The following PIBF1 variants were observed in gnomAD, a reference collection of about 807,000 sequenced individuals.
The protein encoded by PIBF1 is progesterone immunomodulatory binding factor 1.
PIBF1 carries 90 observed loss-of-function variants against 112.5 expected under a neutral mutation model. That is an observed-to-expected ratio of 0.80 (90% CI 0.67 to 0.95). PIBF1 has a LOEUF of 0.95. PIBF1 is among the 40% of genes least tolerant of loss of function. The pLI is 0.00. For synonymous variants in PIBF1, 301 were observed against 288.6 expected, an observed-to-expected ratio of 1.04 and a Z score of -0.44; for missense variants, 915 against 852.3, an observed-to-expected ratio of 1.07 and a Z score of -0.92.
At chr13:72,919,872 G>A (rs1290274439) in intron 13 of PIBF1, among the ~76,000 whole-genome samples, 1 of 152,150 alleles carries the variant, frequency 6.6e-6, no homozygotes, top group Non-Finnish European at 1.5e-5. Flanking sequence ...TGCTCAGGAG[G>A]CTGAGGTGGG....
intron 13 of PIBF1, among the ~76,000 whole-genome samples, chr13:72,927,996 C>CATATATACAT (rs2041564647): frequency 1.3e-5 from 1 of 76,120 alleles, no homozygotes; most frequent in Non-Finnish European, 2.7e-5. Context: ...TATACACACA[C>CATATATACAT]ATATATATAC....
At chr13:72,796,263 A>G (rs991947064) in intron 4 of PIBF1, among the ~76,000 whole-genome samples, 1 of 152,156 alleles carries the variant, frequency 6.6e-6, no homozygotes, top group Non-Finnish European at 1.5e-5. Flanking sequence ...AAAAATCTTA[A>G]TAATTACTAG....
At chr13:72,884,820 G>A (rs972579095) in intron 10 of PIBF1, 1 of 152,176 alleles carries the variant, frequency 6.6e-6, no homozygotes, top group African/African-American at 2.4e-5. Flanking sequence ...TCCCAAGATA[G>A]AATTTAACAG....
intron 15 of PIBF1, among the ~76,000 whole-genome samples, chr13:72,968,540 A>G (rs1018671109): frequency 1.3e-5 from 2 of 151,924 alleles, no homozygotes; most frequent in Admixed American, 6.6e-5. Context: ...ACCTCAAATG[A>G]TCCGCTGGCC....
chr13:72,817,834 AT>A (rs2036355074), intron 5 of PIBF1, among the ~76,000 whole-genome samples: 1 of 152,226 alleles, frequency 6.6e-6, no homozygotes, highest in South Asian at 2.1e-4. Flanking sequence ...GGAAGATGCT[AT>A]TTTTCCTGTT....
At chr13:72,933,313 AG>A (rs1428167600) in intron 14 of PIBF1, among the ~76,000 whole-genome samples, 1 of 152,140 alleles carries the variant, frequency 6.6e-6, no homozygotes, top group Non-Finnish European at 1.5e-5. Flanking sequence ...AAGGCAGGAG[AG>A]TCACATGAGC....
intron 9 of PIBF1, among the ~76,000 whole-genome samples, chr13:72,843,819 TC>T (rs2037718579): frequency 6.6e-6 from 1 of 152,188 alleles, no homozygotes; most frequent in African/African-American, 2.4e-5. Context: ...GCCCCAGATT[TC>T]ACTCCACTTA....
At chr13:72,963,935 T>C (rs964376139) in intron 14 of PIBF1, among the ~76,000 whole-genome samples, 3 of 152,286 alleles carry the variant, frequency 2.0e-5, no homozygotes, top group Non-Finnish European at 4.4e-5. Context: ...CTCAAAAAGT[T>C]AAATATAGAA....
chr13:72,822,309 G>GTT (rs2036593989), intron 6 of PIBF1, among the ~76,000 whole-genome samples: 1 of 151,140 alleles, frequency 6.6e-6, no homozygotes, highest in African/African-American at 2.4e-5. Flanking sequence ...TTTCCCTGAA[G>GTT]TTTTTTTCAG....
At chr13:72,792,689 CA>C (rs1298000272) in intron 3 of PIBF1, 142 bp downstream of exon 3, 4 of 543,442 alleles carry the variant, frequency 7.4e-6, no homozygotes, top group East Asian at 3.2e-5. Context: ...ACCTAGACCA[CA>C]AAAAAAGTAG....
At chr13:72,918,667 C>T (rs530573160) in intron 13 of PIBF1, among the ~76,000 whole-genome samples, 125 of 149,666 alleles carry the variant, frequency 8.4e-4, no homozygotes, top group African/African-American at 3.0e-3. Context: ...GTGCTGGAAA[C>T]ACAGGAGAGA....
rs1238619723 is a variant in PIBF1, at chr13:72,948,434, G to A, written c.1834-16840G>A. On this transcript the variant is annotated intron_variant, in intron 14 of 17. Coordinates refer to ENST00000326291, the MANE Select transcript of PIBF1 (RefSeq NM_006346.4). Reference sequence around the variant, plus strand: ...GACCTTTTTGTCCATATGACCATTGGCATTTTGGTCAAAGCTCTAGGAAGT... The same window carrying A: ...GACCTTTTTGTCCATATGACCATTGACATTTTGGTCAAAGCTCTAGGAAGT... Among the ~76,000 whole-genome samples, 4 of 152,200 alleles carry A rather than the reference G, an allele frequency of 2.6e-5. No individual in the cohort carries two copies. In the East Asian group the frequency reaches 7.7e-4, roughly 29 times the overall value.
At chr13:73,000,902 TCTTC>T (rs1447157618) in intron 17 of PIBF1, among the ~76,000 whole-genome samples, 12 of 152,350 alleles carry the variant, frequency 7.9e-5, no homozygotes, top group Middle Eastern at 3.4e-3. Flanking sequence ...GTTGGGTAGT[TCTTC>T]CTTCCTTATT....
intron 2 of PIBF1, among the ~76,000 whole-genome samples, chr13:72,789,476 G>A (rs1208798149): frequency 6.6e-6 from 1 of 152,002 alleles, no homozygotes; most frequent in African/African-American, 2.4e-5. Flanking sequence ...CTGAGCCACA[G>A]AATTGAGCTC....
At chr13:72,986,985 C>A (rs1287933315) in intron 16 of PIBF1, among the ~76,000 whole-genome samples, 1 of 152,208 alleles carries the variant, frequency 6.6e-6, no homozygotes, top group Non-Finnish European at 1.5e-5. Context: ...GCCACCGCGC[C>A]CGGCCTCTGT....
At chr13:72,949,358 C>T (rs1208433177) in intron 14 of PIBF1, among the ~76,000 whole-genome samples, 2 of 120,754 alleles carry the variant, frequency 1.7e-5, no homozygotes, top group African/African-American at 3.3e-5. Context: ...CTCTGTCAGC[C>T]AGGCTAGAGT....
intron 14 of PIBF1, among the ~76,000 whole-genome samples, chr13:72,938,964 C>A (rs1412176723): frequency 6.6e-6 from 1 of 152,100 alleles, no homozygotes; most frequent in East Asian, 1.9e-4. Context: ...ATTTATATAT[C>A]TTCTTTAGAA....
chr13:72,850,975 T>G lies in PIBF1; in HGVS notation c.1224-3082T>G, dbSNP rs909010585. Among the ~76,000 whole-genome samples, 5 of 152,362 alleles carry G rather than the reference T, an allele frequency of 3.3e-5. No individual in the cohort carries two copies. In the South Asian group the frequency reaches 6.2e-4, roughly 19 times the overall value. On this transcript the variant is annotated intron_variant, in intron 9 of 17. Coordinates refer to ENST00000326291, the MANE Select transcript of PIBF1 (RefSeq NM_006346.4). Reference sequence around the variant, plus strand: ...TATACTCCAGCATTTCTGAAGAAACTATTTTATTTCTGGCTTATCAACTAT... The same window carrying G: ...TATACTCCAGCATTTCTGAAGAAACGATTTTATTTCTGGCTTATCAACTAT...
chr13:72,796,565 G>A (rs1221189406), intron 4 of PIBF1, among the ~76,000 whole-genome samples: 6 of 151,916 alleles, frequency 3.9e-5, no homozygotes, highest in Admixed American at 3.9e-4. Context: ...TGCTGGAGTG[G>A]TGGTTGCTAT....
Sources: allele counts gnomAD v4.1 joint callset (sites outside exome capture counted in the v4.1 genomes callset), GRCh38; gene constraint gnomAD v4.1.1; transcripts MANE v1.5; gene names NCBI Gene and HGNC (gene_info 2026-07-23, HGNC 2026-07-21).